The following NCOR2 variants were observed in gnomAD, a reference collection of about 807,000 sequenced individuals.
NCOR2 encodes the protein CTG repeat protein 26.
NCOR2 carries 81 observed loss-of-function variants against 262.9 expected under a neutral mutation model. That is an observed-to-expected ratio of 0.31 (90% CI 0.26 to 0.37). The LOEUF is 0.37. NCOR2 is among the 10% of genes least tolerant of loss of function. The pLI is 1.00. For synonymous variants in NCOR2, 1,659 were observed against 1,559.3 expected, an observed-to-expected ratio of 1.06 and a Z score of -1.51; for missense variants, 3,385 against 3,621.4, an observed-to-expected ratio of 0.93 and a Z score of 1.68.
chr12:124,404,077 C>T (rs1052165762), intron 13 of NCOR2, among the ~76,000 whole-genome samples: 3 of 152,222 alleles, frequency 2.0e-5, no homozygotes, highest in African/African-American at 4.8e-5. Flanking sequence ...TCAAACGTAA[C>T]GTTTAAACAG....
At position 124,548,244 on chromosome 12, in the gene NCOR2, A is replaced by T. The variant is rs1324196630; in HGVS notation, c.-164-12633T>A. 1.3e-5 allele frequency among the ~76,000 whole-genome samples: 2 copies of T among 152,190 alleles called. No individual in the cohort carries two copies. The highest frequency in any genetic ancestry group is 2.9e-5 in the Non-Finnish European group (2 of 68,038). Reference sequence around the variant, plus strand: ...GAACAGCATTCCAGGTGGGGGGAACAACAAACGCGAAGGCCCAGAGGCAGA... The same window carrying T: ...GAACAGCATTCCAGGTGGGGGGAACTACAAACGCGAAGGCCCAGAGGCAGA... On this transcript the variant is annotated intron_variant, in intron 1 of 32. Transcript: ENST00000458234. This position sits in a 1 kb window ranked among gnomAD's most constrained non-coding sequence, Gnocchi z 5.1.
chr12:124,376,397 C>T (rs2040000819), intron 18 of NCOR2, among the ~76,000 whole-genome samples: 1 of 152,258 alleles, frequency 6.6e-6, no homozygotes, highest in Non-Finnish European at 1.5e-5. Flanking sequence ...ACCAAGCCTG[C>T]ATCCCGCCCA....
At chr12:124,423,637 C>T (rs1449224638) in intron 11 of NCOR2, among the ~76,000 whole-genome samples, 1 of 152,222 alleles carries the variant, frequency 6.6e-6, no homozygotes, top group South Asian at 2.1e-4. Context: ...TTCCTCTCCG[C>T]TCCCTCTCCT....
chr12:124,357,709 G>T (rs1464639393), intron 22 of NCOR2, among the ~76,000 whole-genome samples: 1 of 152,280 alleles, frequency 6.6e-6, no homozygotes, highest in Non-Finnish European at 1.5e-5. Flanking sequence ...GGCCCACAAA[G>T]CCTAAAATGT....
intron 13 of NCOR2, among the ~76,000 whole-genome samples, chr12:124,416,551 GACCCGCGGCACAGA>G (rs2042869427): frequency 6.7e-6 from 1 of 148,874 alleles, no homozygotes; most frequent in African/African-American, 2.5e-5. Flanking sequence ...GGCACAGGGA[GACCCGCGGCACAGA>G]TAGACCCCGC....
At chr12:124,354,995 C>T (rs1671507282) in intron 24 of NCOR2, 56 bp from the exon 27 acceptor site, 1 of 1,464,054 alleles carries the variant, frequency 6.8e-7, no homozygotes, top group Non-Finnish European at 9.4e-7. Context: ...CCCCACAGTC[C>T]AGAGTGCCTG....
At chr12:124,478,092 G>A (rs2047206228) in intron 3 of NCOR2, among the ~76,000 whole-genome samples, 1 of 152,224 alleles carries the variant, frequency 6.6e-6, no homozygotes, top group Non-Finnish European at 1.5e-5. Context: ...ATGCGGAGAG[G>A]AGGAGGAAGA....
intron 1 of NCOR2, among the ~76,000 whole-genome samples, chr12:124,543,604 C>A (rs1230609297): frequency 6.6e-6 from 1 of 152,238 alleles, no homozygotes; most frequent in East Asian, 1.9e-4. Context: ...CCTCTCCTCG[C>A]TGCGGGGTGT....
intron 1 of NCOR2, chr12:124,518,426 C>G: frequency 6.6e-6 from 1 of 152,366 alleles, no homozygotes; most frequent in South Asian, 2.1e-4. Flanking sequence ...CCAGGCCAGG[C>G]CCCCCAGGCT....
chr12:124,429,487 C>T (rs1000090795), intron 10 of NCOR2, 126 bp downstream of exon 12: 10 of 978,432 alleles, frequency 1.0e-5, no homozygotes, highest in Admixed American at 2.2e-5. Flanking sequence ...TGATTCCACC[C>T]GCGCTTCGGT....
At chr12:124,330,483 C>T (rs980641123) in intron 44 of NCOR2, among the ~76,000 whole-genome samples, 1 of 152,234 alleles carries the variant, frequency 6.6e-6, no homozygotes, top group Admixed American at 6.5e-5. Flanking sequence ...CGAGTGAACT[C>T]GGAGGCTTGT....
chr12:124,377,774 G>T (rs1042011207), intron 18 of NCOR2, among the ~76,000 whole-genome samples: 2 of 151,770 alleles, frequency 1.3e-5, no homozygotes, highest in African/African-American at 2.4e-5. Flanking sequence ...GAGAGGCAGA[G>T]GTTACACTGG....
chr12:124,428,879 G>A (rs1490623756), intron 10 of NCOR2, among the ~76,000 whole-genome samples: 1 of 152,236 alleles, frequency 6.6e-6, no homozygotes, highest in Non-Finnish European at 1.5e-5. Context: ...CGTGTCTGCT[G>A]TGGTGTTAGG....
At chr12:124,438,236 G>A (rs530515235) in intron 7 of NCOR2, among the ~76,000 whole-genome samples, 30 of 152,282 alleles carry the variant, frequency 2.0e-4, no homozygotes, top group Admixed American at 1.4e-3. Flanking sequence ...GCAGGCAAGA[G>A]GGTTCCCAGA....
Position 124,457,262 on chromosome 12 carries a change from G to T in NCOR2, c.706-100C>A. ...GAGCAGCGGGCACCTGCCCAGCCCAGTCCAGCATGCTGATCCTCAGCACGG... is the reference window on the plus strand; with the variant it reads ...GAGCAGCGGGCACCTGCCCAGCCCATTCCAGCATGCTGATCCTCAGCACGG... On this transcript the variant is annotated intron_variant, in intron 5 of 46. Coordinates refer to ENST00000405201, the Ensembl canonical transcript of NCOR2. The surrounding 1 kb of genome is among the most constrained non-coding windows in gnomAD (Gnocchi z 4.0). 1 of 1,288,806 alleles carries T rather than the reference G, an allele frequency of 7.8e-7. No individual in the cohort carries two copies. The highest frequency in any genetic ancestry group is 1.5e-5 in the South Asian group (1 of 64,894). 79.8% of individuals were successfully genotyped at this position (1,288,806 alleles called of 1,614,324 possible). A position where few individuals can be genotyped will look rare whatever the true frequency, so the allele number is the denominator to read the frequency against.
upstream of NCOR2, chr12:124,539,698 C>T (rs111272988): frequency 2.8e-4 from 43 of 152,678 alleles, no homozygotes; most frequent in African/African-American, 9.9e-4. The surrounding 1 kb of genome is among the most constrained non-coding windows in gnomAD (Gnocchi z 5.1). Flanking sequence ...CTTGCCCCCA[C>T]CTGCCAGCAC....
At chr12:124,466,266 A>AGCC in exon 5 of NCOR2, 1 of 1,607,840 alleles carries the variant, frequency 6.2e-7, no homozygotes, top group African/African-American at 1.3e-5. Context: ...GCGGCTTGGC[A>AGCC]GCCTCCTCCT....
chr12:124,421,459 T>C (rs2043199373), intron 12 of NCOR2, among the ~76,000 whole-genome samples: 1 of 152,238 alleles, frequency 6.6e-6, no homozygotes, highest in African/African-American at 2.4e-5. Flanking sequence ...GGGCTATTTA[T>C]AGGGCTTGTT....
chr12:124,342,201 A>G (rs2036512191), intron 33 of NCOR2, 127 bp from the exon 36 acceptor site: 6 of 1,162,406 alleles, frequency 5.2e-6, no homozygotes, highest in Non-Finnish European at 7.1e-6. Context: ...GTGGCTGCCC[A>G]AAGCACAAAC....
Sources: gnomAD v4.1 joint callset for allele counts (sites outside exome capture counted in the v4.1 genomes callset) on GRCh38, gnomAD v4.1.1 for gene constraint, Gnocchi (gnomAD v3.1) non-coding constraint, MANE v1.5 for transcripts, NCBI Gene and HGNC (gene_info 2026-07-23, HGNC 2026-07-21) for gene names.